The following XKR4 variants were observed in gnomAD, a reference collection of about 807,000 sequenced individuals.
XKR4 encodes the protein XK-related protein 4.
A neutral mutation model predicts 53.9 loss-of-function variants in XKR4; 12 were observed. The observed-to-expected ratio is 0.22, with a 90% CI of 0.14 to 0.36. The LOEUF (loss-of-function observed/expected upper bound fraction) is 0.36. Among genes scored for constraint, XKR4 ranks in the 10% least tolerant of loss-of-function variants. XKR4 has a pLI of 1.00. For missense variants in XKR4, 799 were observed against 859.5 expected (o/e 0.93, Z 0.88); for synonymous variants, 354 against 362.4 (o/e 0.98, Z 0.26).
chr8:55,505,335 T>A (rs1452983761), intron 2 of XKR4, among the ~76,000 whole-genome samples: 2 of 152,134 alleles, frequency 1.3e-5, no homozygotes, highest in African/African-American at 4.8e-5. Flanking sequence ...TGGTTAAGAG[T>A]ATGTTGTTTA....
At position 55,540,907 on chromosome 8, in the gene XKR4, A is replaced by T. The variant is rs1174037450; in HGVS notation, c.*16680A>T. ...GGATACAAACTTCGTCTGTACTAAC[A>T]TCCTACCAAGCAGATTGGAAACAAA... On this transcript the variant is annotated 3_prime_UTR_variant, in exon 3 of 3. Transcript: ENST00000327381. 1 of 152,230 alleles carries T rather than the reference A, an allele frequency of 6.6e-6. No individual in the cohort carries two copies. The highest frequency in any genetic ancestry group is 1.5e-5 in the Non-Finnish European group (1 of 68,048). The allele number at this position is 152,230 out of a possible 1,614,324, so 9.4% of individuals were successfully genotyped here. A position where few individuals can be genotyped will look rare whatever the true frequency, so the allele number is the denominator to read the frequency against.
intron 1 of XKR4, among the ~76,000 whole-genome samples, chr8:55,150,509 G>A (rs746664317): frequency 4.3e-4 from 66 of 152,208 alleles, no homozygotes; most frequent in South Asian, 4.1e-4. Flanking sequence ...TTAGGAAGTC[G>A]TGCATGACCC....
intron 1 of XKR4, among the ~76,000 whole-genome samples, chr8:55,140,976 A>T (rs777029962): frequency 1.1e-4 from 16 of 152,184 alleles, no homozygotes; most frequent in Non-Finnish European, 2.2e-4. Flanking sequence ...AATATAACTC[A>T]CATACCACAC....
chr8:55,240,446 T>G lies in XKR4; in HGVS notation c.807-117232T>G, dbSNP rs1470821562. 2.0e-5 allele frequency among the ~76,000 whole-genome samples: 3 copies of G among 152,234 alleles called. No individual in the cohort carries two copies. In the East Asian group the frequency reaches 5.8e-4, roughly 29 times the overall value. ...CTTATATTGATGAATTACGGGACAG[T>G]TTAACTAGCATCTGAAGGAGTATCT... On this transcript the variant is annotated intron_variant, in intron 1 of 2. Coordinates refer to ENST00000327381, the MANE Select transcript of XKR4 (RefSeq NM_052898.2).
At chr8:55,466,547 A>C (rs1805773279) in intron 2 of XKR4, among the ~76,000 whole-genome samples, 1 of 152,084 alleles carries the variant, frequency 6.6e-6, no homozygotes, top group South Asian at 2.1e-4. Context: ...ATGACAAGTT[A>C]ATGAGTGCAG....
intron 1 of XKR4, among the ~76,000 whole-genome samples, chr8:55,206,786 A>G (rs920427654): frequency 2.0e-5 from 3 of 152,178 alleles, no homozygotes; most frequent in Non-Finnish European, 4.4e-5. Flanking sequence ...TTTCGTGGTC[A>G]GGAGTAAAGA....
Position 55,538,578 on chromosome 8 carries a change from T to C in XKR4, c.*14351T>C, listed in dbSNP as rs549995629. 7 of 152,242 alleles carry C rather than the reference T, an allele frequency of 4.6e-5. No individual in the cohort carries two copies. The highest frequency in any genetic ancestry group is 8.8e-5 in the Non-Finnish European group (6 of 68,032). The allele number at this position is 152,242 out of a possible 1,614,324, so 9.4% of individuals were successfully genotyped here. On this transcript the variant is annotated 3_prime_UTR_variant, in exon 3 of 3. Transcript: ENST00000327381. ...TTCATCCAGACATTCAGATGCTTTATATAAGTTGGCAATTTTCCTGTTAAC... is the reference window on the plus strand; with the variant it reads ...TTCATCCAGACATTCAGATGCTTTACATAAGTTGGCAATTTTCCTGTTAAC...
intron 1 of XKR4, among the ~76,000 whole-genome samples, chr8:55,335,652 G>A (rs1803449450): frequency 6.6e-6 from 1 of 152,096 alleles, no homozygotes; most frequent in Admixed American, 6.5e-5. Context: ...ATTCATAATT[G>A]CAAAAGCCTG....
At chr8:55,516,028 G>A (rs907513717) in intron 2 of XKR4, among the ~76,000 whole-genome samples, 4 of 152,160 alleles carry the variant, frequency 2.6e-5, no homozygotes, top group African/African-American at 4.8e-5. Flanking sequence ...ATGAGTGTGG[G>A]CAAGTCATTT....
chr8:55,227,771 G>A (rs980695623), intron 1 of XKR4, among the ~76,000 whole-genome samples: 5 of 152,222 alleles, frequency 3.3e-5, no homozygotes, highest in African/African-American at 7.2e-5. Context: ...CCCTGTGTGA[G>A]TGGGACATTC....
At chr8:55,139,815 A>T (rs1816679622) in intron 1 of XKR4, among the ~76,000 whole-genome samples, 1 of 152,182 alleles carries the variant, frequency 6.6e-6, no homozygotes, top group African/African-American at 2.4e-5. Context: ...ATGTATTTAA[A>T]GTATGCCTGG....
chr8:55,429,733 G>GAA (rs113639586), intron 2 of XKR4, among the ~76,000 whole-genome samples: 31 of 138,874 alleles, frequency 2.2e-4, no homozygotes, highest in Middle Eastern at 7.0e-3. Context: ...TGTCTTTCTG[G>GAA]AAAAAAAAAA....
intron 1 of XKR4, among the ~76,000 whole-genome samples, chr8:55,326,803 G>A (rs900036509): frequency 7.2e-5 from 11 of 151,826 alleles, no homozygotes; most frequent in East Asian, 2.0e-4. Flanking sequence ...AAAGTTAGGC[G>A]GATTTGAGTT....
At chr8:55,113,055 G>GT (rs1262603566) in intron 1 of XKR4, among the ~76,000 whole-genome samples, 2 of 152,044 alleles carry the variant, frequency 1.3e-5, no homozygotes, top group Non-Finnish European at 2.9e-5. Flanking sequence ...AGGGGTGTGG[G>GT]TTTCCTTACC....
At chr8:55,503,898 TTTTTAATCTTG>T (rs1172140969) in intron 2 of XKR4, among the ~76,000 whole-genome samples, 7 of 152,144 alleles carry the variant, frequency 4.6e-5, no homozygotes. Flanking sequence ...TTGTTGAGTT[TTTTTAATCTTG>T]AAATAGTGTT....
At chr8:55,291,416 T>C (rs1787285865) in intron 1 of XKR4, among the ~76,000 whole-genome samples, 1 of 152,232 alleles carries the variant, frequency 6.6e-6, no homozygotes, top group South Asian at 2.1e-4. Flanking sequence ...CTGGAACTTT[T>C]ACAGAAATTT....
intron 1 of XKR4, among the ~76,000 whole-genome samples, chr8:55,339,231 C>A (rs138172402): frequency 5.3e-5 from 8 of 152,154 alleles, no homozygotes; most frequent in South Asian, 2.1e-4. Context: ...TGGAGGCCAA[C>A]ACAAATGGCA....
chr8:55,299,391 G>A (rs1381273323), intron 1 of XKR4, among the ~76,000 whole-genome samples: 1 of 152,182 alleles, frequency 6.6e-6, no homozygotes, highest in Non-Finnish European at 1.5e-5. Context: ...TGAGGGAGAA[G>A]CCAACAGTGA....
intron 2 of XKR4, chr8:55,452,681 C>G (rs1805472743): frequency 7.0e-7 from 1 of 1,432,302 alleles, no homozygotes; most frequent in South Asian, 1.1e-5. Context: ...CTGTGCAGAC[C>G]TTGTCCACAA....
Sources: gnomAD v4.1 joint callset for allele counts (sites outside exome capture counted in the v4.1 genomes callset) on GRCh38, gnomAD v4.1.1 for gene constraint, MANE v1.5 for transcripts, NCBI Gene and HGNC (gene_info 2026-07-23, HGNC 2026-07-21) for gene names.